The following GZF1 variants were observed in gnomAD, a reference collection of about 807,000 sequenced individuals.
GZF1 encodes GDNF-inducible zinc finger protein 1.
In GZF1, 28 loss-of-function variants were observed where a neutral mutation model predicts 49.4. The ratio of observed to expected loss-of-function variants is 0.57; its 90% CI spans 0.42 to 0.78. GZF1 has a LOEUF of 0.78. Ranked by LOEUF, GZF1 falls within the 30% of genes least tolerant of loss-of-function variation. The pLI, the probability that GZF1 is intolerant of heterozygous loss-of-function variation, is 0.00. For missense variants in GZF1, 798 were observed against 916.2 expected (o/e 0.87, Z 1.67); for synonymous variants, 364 against 356.0 (o/e 1.02, Z -0.25).
At chr20:23,361,852 G>A (rs757887837), upstream of GZF1, among the ~76,000 whole-genome samples, 4 of 152,206 alleles carry the variant, frequency 2.6e-5, no homozygotes, top group Admixed American at 6.5e-5. Context: ...ACGCGAAAGT[G>A]ACCACGCGAA....
chr20:23,362,999 C>CTTAG (rs939190501), intron 1 of GZF1: 1 of 152,228 alleles, frequency 6.6e-6, no homozygotes, highest in African/African-American at 2.4e-5. Context: ...AGATCCCTTC[C>CTTAG]TTAGGCTTTG....
rs1982067883 is a variant in GZF1 at position 23,371,465 on chromosome 20, A to T, written c.*1024A>T. ...TTTCCTTGGGAGCATGTGAGAACAT[A>T]GCAGTAGGGACCAAAAGTCTCAGCA... is the stretch of plus-strand genomic sequence containing the variant. On this transcript the variant is annotated 3_prime_UTR_variant, in exon 6 of 6. Coordinates refer to ENST00000338121, the MANE Select transcript of GZF1 (RefSeq NM_022482.5). The T allele has an allele frequency of 6.6e-6, 1 of 152,660 alleles. No homozygotes were observed. Among genetic ancestry groups the T allele is most frequent in the Admixed American group, 6.5e-5 (1 of 15,276 alleles). 9.5% of individuals were successfully genotyped at this position (152,660 alleles called of 1,614,324 possible). A position where few individuals can be genotyped will look rare whatever the true frequency, so the allele number is the denominator to read the frequency against.
chr20:23,366,462 TTA>T (rs139847576), intron 2 of GZF1, among the ~76,000 whole-genome samples: 11,536 of 152,228 alleles, frequency 0.076, 655 homozygotes, highest in East Asian at 0.3. Flanking sequence ...GCTCAGTAAA[TTA>T]TGTTTGATTG....
Position 23,365,390 on chromosome 20 carries a change from G to T in GZF1, c.1007G>T (p.Ser336Ile), listed in dbSNP as rs1184865172. ...TATGAGAAGAGCTTCCTGAAGCACA[G>T]CAAGCACCGCCACGGCGTGGCCACC... Reference protein sequence around the residue: ...FLYEKSFLKHSKHRHGVATEV... With the variant: ...FLYEKSFLKHIKHRHGVATEV... The change falls in exon 2 of 6, where the codon AGC becomes ATC. Residue 336 changes from serine (S) to isoleucine (I), a missense_variant. Coordinates refer to ENST00000338121, the MANE Select transcript of GZF1 (RefSeq NM_022482.5). The T allele has an allele frequency of 1.2e-6, 2 of 1,613,818 alleles. No individual in the cohort carries two copies. The highest frequency in any genetic ancestry group is 3.3e-5 in the Admixed American group (2 of 60,016).
rs1981972253 is a variant in GZF1, at chr20:23,370,445, C to T, written c.*4C>T. 1 of 1,575,614 alleles carries T rather than the reference C, an allele frequency of 6.3e-7. No homozygotes were observed. The highest frequency in any genetic ancestry group is 1.7e-5 in the Admixed American group (1 of 59,442). ...CTCTTTGAGCAACATGGAATAAGAGCTTCAAGCAGTTCCCATCCTGTTAGT... is the reference window on the plus strand; with the variant it reads ...CTCTTTGAGCAACATGGAATAAGAGTTTCAAGCAGTTCCCATCCTGTTAGT... On this transcript the variant is annotated 3_prime_UTR_variant, in exon 6 of 6. Transcript: ENST00000338121.
At chr20:23,363,809 C>T (rs1228627341) in intron 1 of GZF1, among the ~76,000 whole-genome samples, 1 of 152,186 alleles carries the variant, frequency 6.6e-6, no homozygotes, top group Non-Finnish European at 1.5e-5. Context: ...AATTCAAATT[C>T]TGAGGAGTTT....
At position 23,372,596 on chromosome 20, in the gene GZF1, A is replaced by T. The variant is rs562680627; in HGVS notation, c.*2155A>T. On this transcript the variant is annotated 3_prime_UTR_variant, in exon 6 of 6. Coordinates refer to ENST00000338121, the MANE Select transcript of GZF1 (RefSeq NM_022482.5). ...CTATATACATTTCTCTGTCCCTGAG[A>T]ACAGAGAAACGTAACCCTGTAGGGG... The T allele has an allele frequency of 6.6e-6, 1 of 152,314 alleles. No homozygotes were observed. Among genetic ancestry groups the T allele is most frequent in the Admixed American group, 6.5e-5 (1 of 15,298 alleles). The allele number at this position is 152,314 out of a possible 1,614,324, so 9.4% of individuals were successfully genotyped here.
chr20:23,370,024 ATTGTT>A, intron 5 of GZF1, 62 bp from the exon 6 acceptor site: 1 of 1,341,144 alleles, frequency 7.5e-7, no homozygotes, highest in Non-Finnish European at 1.1e-6. Context: ...TAGAGGGACT[ATTGTT>A]TTAAAAGATG....
At chr20:23,367,220 A>G (rs767806136) in intron 3 of GZF1, 123 bp downstream of exon 3, 3 of 670,138 alleles carry the variant, frequency 4.5e-6, no homozygotes, top group Non-Finnish European at 7.9e-6. Context: ...TAGCTTTTCC[A>G]TCTAGTAAGT....
At chr20:23,369,974 C>T in intron 5 of GZF1, 117 bp from the exon 6 acceptor site, 1 of 952,500 alleles carries the variant, frequency 1.0e-6, no homozygotes, top group Non-Finnish European at 1.6e-6. Context: ...AGGGTGGTGG[C>T]AGGCGGGTAC....
At chr20:23,368,407 G>T (rs1227537364) in intron 3 of GZF1, among the ~76,000 whole-genome samples, 1 of 152,156 alleles carries the variant, frequency 6.6e-6, no homozygotes, top group Non-Finnish European at 1.5e-5. Flanking sequence ...AAGATCCATA[G>T]AAGTGTTCCT....
At chr20:23,369,006 A>G (rs750196455) in intron 4 of GZF1, 77 bp downstream of exon 4, 19 of 1,302,880 alleles carry the variant, frequency 1.5e-5, no homozygotes, top group Non-Finnish European at 1.8e-5. Context: ...ATTTACCAGT[A>G]AATTACTTGG....
In GZF1 at chr20:23,365,140, G is replaced by A. The variant is rs1568584307; in HGVS notation, c.757G>A (p.Gly253Ser). The A allele has an allele frequency of 6.2e-7, 1 of 1,614,028 alleles. No homozygotes were observed. The highest frequency in any genetic ancestry group is 8.5e-7 in the Non-Finnish European group (1 of 1,180,022). Residue 253 changes from glycine (G) to serine (S), a missense_variant, in exon 2 of 6, where the codon GGT (glycine) becomes AGT (serine). Physicochemically the swap from Gly to Ser is moderately conservative, Grantham distance 56 (BLOSUM62 0). Transcript: ENST00000338121. ...RLREQQKTAEGDVGDYRCPQD... is the reference protein window; with the variant it reads ...RLREQQKTAESDVGDYRCPQD... The stretch of plus-strand genomic sequence containing the variant: ...CCGAGAGCAGCAGAAAACTGCTGAG[G>A]GTGATGTGGGGGACTACAGGTGTCC...
intron 1 of GZF1, chr20:23,363,402 A>G (rs965596933): frequency 6.6e-6 from 1 of 152,368 alleles, no homozygotes; most frequent in Non-Finnish European, 1.5e-5. Flanking sequence ...GGGTGACGGT[A>G]TCTGGAGGCC....
rs780469196 is a variant in GZF1, at chr20:23,368,958, GT to G, written c.1627+32del. 8.6e-5 allele frequency: 132 copies of G among 1,542,278 alleles called. 3 individuals are homozygous for G. The South Asian group carries it at 1.1e-3, about 13-fold the overall frequency. On this transcript the variant is annotated intron_variant, in intron 4 of 5. Coordinates refer to ENST00000338121, the MANE Select transcript of GZF1 (RefSeq NM_022482.5). The stretch of plus-strand genomic sequence containing the variant: ...TGGTTGGAATGTCCCAGGGAAGGGA[GT>G]TTAGTTTGGCCAAAAAAAAAATTCT...
rs777062919 is a variant in GZF1, at chr20:23,369,682, A to G, written c.1726A>G (p.Met576Val). Residue 576 changes from methionine to valine, a missense_variant, in exon 5 of 6, where the codon ATG becomes GTG. Physicochemically the swap from Met to Val is conservative, Grantham distance 21. This residue lies in a region of GZF1 where 446 missense variants were observed against 540.1 expected (regional missense o/e 0.83). Transcript: ENST00000338121. The stretch of plus-strand genomic sequence containing the variant: ...CATCCACACAGGGGAGAGGCCATTC[A>G]TGTGCAATGCGTGCGGACGGACATT... ...RRIHTGERPF[M>V]CNACGRTFTD... 1.2e-6 allele frequency: 2 copies of G among 1,614,158 alleles called. No homozygotes were observed. The highest frequency in any genetic ancestry group is 1.7e-6 in the Non-Finnish European group (2 of 1,180,016).
Position 23,369,684 on chromosome 20 carries a change from G to A in GZF1, c.1728G>A (p.Met576Ile). Reference sequence around the variant, plus strand: ...TCCACACAGGGGAGAGGCCATTCATGTGCAATGCGTGCGGACGGACATTCA... The same window carrying A: ...TCCACACAGGGGAGAGGCCATTCATATGCAATGCGTGCGGACGGACATTCA... Reference protein sequence around the residue: ...RRIHTGERPFMCNACGRTFTD... With the variant: ...RRIHTGERPFICNACGRTFTD... Residue 576 changes from methionine (M) to isoleucine (I), a missense_variant, in exon 5 of 6, where the codon ATG (methionine) becomes ATA (isoleucine). Around this residue, in one of 3 missense-constraint regions of GZF1, gnomAD observed 446 missense variants for 540.1 expected, o/e 0.83. Coordinates refer to ENST00000338121, the MANE Select transcript of GZF1 (RefSeq NM_022482.5). The A allele has an allele frequency of 6.2e-7, 1 of 1,614,144 alleles. No homozygotes were observed. The highest frequency in any genetic ancestry group is 8.5e-7 in the Non-Finnish European group (1 of 1,180,008).
intron 1 of GZF1, chr20:23,362,491 C>T (rs1980788465): frequency 6.5e-6 from 1 of 153,416 alleles, no homozygotes; most frequent in Admixed American, 6.5e-5. Context: ...CGAGCGGCGT[C>T]CGGGCGCTGG....
At position 23,370,277 on chromosome 20, in the gene GZF1, C is replaced by T. The variant is rs375086740; in HGVS notation, c.1972C>T (p.Pro658Ser). ...HNLAAVQDTV[P>S]TMQENSSADT... is the part of the protein sequence containing the mutation. ...CCTGGCTGCAGTCCAAGACACTGTA[C>T]CTACCATGCAGGAGAACAGTTCTGC... Residue 658 changes from proline to serine, a missense_variant, in exon 6 of 6, where the codon CCT (proline) becomes TCT (serine). Transcript: ENST00000338121. 6.2e-7 allele frequency: 1 copy of T among 1,614,210 alleles called. No individual in the cohort carries two copies. The highest frequency in any genetic ancestry group is 1.3e-5 in the African/African-American group (1 of 75,050).
Sources: allele counts gnomAD v4.1 joint callset (sites outside exome capture counted in the v4.1 genomes callset), GRCh38; gene constraint gnomAD v4.1.1; regional missense constraint gnomAD v4.1.1; transcripts MANE v1.5; gene names NCBI Gene and HGNC (gene_info 2026-07-23, HGNC 2026-07-21).